PPM1H: variants seen among roughly 807,000 people sequenced by gnomAD.
PPM1H encodes the protein protein phosphatase, Mg2+/Mn2+ dependent 1H.
A neutral mutation model predicts 54.9 loss-of-function variants in PPM1H; 27 were observed. The observed-to-expected ratio is 0.49, with a 90% CI of 0.36 to 0.68. The LOEUF (loss-of-function observed/expected upper bound fraction) is 0.68. PPM1H is among the 30% of genes least tolerant of loss of function. The pLI is 0.00. For synonymous variants in PPM1H, 305 were observed against 270.8 expected (o/e 1.13, Z -1.24); for missense variants, 596 against 667.8 (o/e 0.89, Z 1.19).
chr12:62,811,246 C>T (rs146231430), intron 2 of PPM1H, among the ~76,000 whole-genome samples: 2,019 of 152,078 alleles, frequency 0.013, 15 homozygotes, highest in Non-Finnish European at 0.02. Context: ...AACTGTATAC[C>T]AAAAGGAAAA....
chr12:62,844,666 A>G lies in PPM1H; in HGVS notation c.246-12387T>C, dbSNP rs1233674417. Among the ~76,000 whole-genome samples, 1 of 152,262 alleles carries G rather than the reference A, an allele frequency of 6.6e-6. No individual in the cohort carries two copies. The highest frequency in any genetic ancestry group is 1.9e-4 in the East Asian group (1 of 5,198). On this transcript the variant is annotated intron_variant, in intron 1 of 9. Transcript: ENST00000228705. This position sits in a 1 kb window ranked among gnomAD's most constrained non-coding sequence, Gnocchi z 5.2. ...AATTAGTCAAGGGTAGATGTGTTCC[A>G]AAATGTTGTGTGTTTATTTCAGTTG...
intron 9 of PPM1H, among the ~76,000 whole-genome samples, chr12:62,662,161 T>C (rs1425011092): frequency 6.6e-6 from 1 of 152,132 alleles, no homozygotes; most frequent in Non-Finnish European, 1.5e-5. Context: ...GATTTATCAC[T>C]CTGGAGGAAG....
At chr12:62,717,451 CAG>C (rs60561309) in intron 6 of PPM1H, among the ~76,000 whole-genome samples, 2,231 of 147,052 alleles carry the variant, frequency 0.015, 14 homozygotes, top group African/African-American at 0.029. Context: ...CATGCTAATG[CAG>C]AGAGAGAGAG....
intron 6 of PPM1H, among the ~76,000 whole-genome samples, chr12:62,701,519 T>G (rs2076143855): frequency 6.6e-6 from 1 of 152,232 alleles, no homozygotes; most frequent in Admixed American, 6.5e-5. Context: ...CACATTTCTC[T>G]TTTAATCCAC....
intron 9 of PPM1H, among the ~76,000 whole-genome samples, chr12:62,659,712 C>T (rs1242769595): frequency 2.6e-5 from 4 of 152,218 alleles, no homozygotes; most frequent in Non-Finnish European, 5.9e-5. Context: ...GCCTCATTCC[C>T]TGCCTCTTTT....
At chr12:62,815,963 C>A (rs2076863683) in intron 2 of PPM1H, among the ~76,000 whole-genome samples, 1 of 152,082 alleles carries the variant, frequency 6.6e-6, no homozygotes, top group Non-Finnish European at 1.5e-5. Context: ...ATCTTAGTAA[C>A]AGCTATTACA....
At chr12:62,660,043 T>C (rs2075874529) in intron 9 of PPM1H, among the ~76,000 whole-genome samples, 1 of 152,232 alleles carries the variant, frequency 6.6e-6, no homozygotes, top group Admixed American at 6.5e-5. Flanking sequence ...ATAGAGCCTC[T>C]GGAATTATAG....
chr12:62,850,693 T>C (rs946456103), intron 1 of PPM1H: 21 of 148,334 alleles, frequency 1.4e-4, no homozygotes, highest in Non-Finnish European at 2.7e-4. Context: ...TAGTAACATA[T>C]AGGTAAAATA....
chr12:62,810,959 A>G (rs1436607736), intron 2 of PPM1H, among the ~76,000 whole-genome samples: 4 of 152,370 alleles, frequency 2.6e-5, no homozygotes, highest in African/African-American at 9.6e-5. Context: ...ACAGCAGAAA[A>G]TGAAAATGTC....
intron 2 of PPM1H, among the ~76,000 whole-genome samples, chr12:62,830,289 T>A (rs1435493593): frequency 2.0e-5 from 3 of 152,050 alleles, no homozygotes; most frequent in African/African-American, 7.3e-5. Flanking sequence ...GGAGTCTCGC[T>A]CTGTCACCCA....
At chr12:62,764,668 A>T (rs895847426) in intron 4 of PPM1H, among the ~76,000 whole-genome samples, 10 of 151,684 alleles carry the variant, frequency 6.6e-5, no homozygotes, top group African/African-American at 1.9e-4. Context: ...TGTACTAGGC[A>T]CTGGGCTCAG....
chr12:62,705,211 G>A (rs964590917), intron 6 of PPM1H, among the ~76,000 whole-genome samples: 4 of 152,200 alleles, frequency 2.6e-5, no homozygotes, highest in African/African-American at 7.2e-5. Context: ...TGTTTAAAAT[G>A]CTGCTCTCCA....
intron 5 of PPM1H, among the ~76,000 whole-genome samples, chr12:62,733,821 A>G (rs569724738): frequency 4.2e-4 from 64 of 152,306 alleles, no homozygotes; most frequent in African/African-American, 1.5e-3. Flanking sequence ...GGTTCTGTGG[A>G]CTAATAGTGT....
chr12:62,712,869 T>C (rs1302722845), intron 6 of PPM1H, among the ~76,000 whole-genome samples: 2 of 152,290 alleles, frequency 1.3e-5, no homozygotes, highest in African/African-American at 4.8e-5. Flanking sequence ...GGATAAAGCC[T>C]GGGGTTTCTG....
chr12:62,767,287 A>G (rs958478741), intron 4 of PPM1H, among the ~76,000 whole-genome samples: 1 of 152,144 alleles, frequency 6.6e-6, no homozygotes, highest in Admixed American at 6.5e-5. Flanking sequence ...ACCCTGGGGC[A>G]GCCTGCATTT....
At position 62,644,312 on chromosome 12, in the gene PPM1H, C is replaced by CAA. The variant is rs1491272058; in HGVS notation, c.*4175_*4176dup. The CAA allele has an allele frequency of 6.6e-6, 1 of 151,990 alleles. No individual in the cohort carries two copies. Among genetic ancestry groups the CAA allele is most frequent in the Non-Finnish European group, 1.5e-5 (1 of 67,994 alleles). The allele number at this position is 151,990 out of a possible 1,614,324, so 9.4% of individuals were successfully genotyped here. ...CCTCCCTGGGTCTCCAGAAAAAAAA[C>CAA]AAAGAAAACTGGGGGCAAAACAGGA... On this transcript the variant is annotated 3_prime_UTR_variant, in exon 10 of 10. Transcript: ENST00000228705.
intron 3 of PPM1H, among the ~76,000 whole-genome samples, chr12:62,794,166 C>T (rs2120723221): frequency 1.3e-5 from 2 of 152,288 alleles, no homozygotes; most frequent in South Asian, 4.1e-4. Flanking sequence ...TGCCACCTGC[C>T]GGCTGCTGGT....
chr12:62,680,870 C>G (rs2076015779), intron 8 of PPM1H, among the ~76,000 whole-genome samples: 1 of 152,164 alleles, frequency 6.6e-6, no homozygotes, highest in Admixed American at 6.5e-5. Flanking sequence ...CCCTCTATCC[C>G]AATAAGACTG....
In PPM1H at chr12:62,678,691, C is replaced by CTT. The variant is rs113290051; in HGVS notation, c.1245+11006_1245+11007dup. Among the ~76,000 whole-genome samples, 851 of 148,698 alleles carry CTT rather than the reference C, an allele frequency of 5.7e-3. 12 individuals are homozygous for CTT. The highest frequency in any genetic ancestry group is 0.019 in the African/African-American group (779 of 40,720). The stretch of plus-strand genomic sequence containing the variant: ...ATTCAAAGAAAGTAGCTTCTGCATA[C>CTT]TTTTTTTTTTTCTTTTTGAGACAGA... On this transcript the variant is annotated intron_variant, in intron 8 of 9. Transcript: ENST00000228705.
Sources: gnomAD v4.1 joint callset for allele counts (sites outside exome capture counted in the v4.1 genomes callset) on GRCh38, gnomAD v4.1.1 for gene constraint, Gnocchi (gnomAD v3.1) non-coding constraint, MANE v1.5 for transcripts, NCBI Gene and HGNC (gene_info 2026-07-23, HGNC 2026-07-21) for gene names.